The following RALYL variants were observed in gnomAD, a reference collection of about 807,000 sequenced individuals.
The protein encoded by RALYL is RNA-binding Raly-like protein.
In RALYL, 29 loss-of-function variants were observed where a neutral mutation model predicts 35.1. The ratio of observed to expected loss-of-function variants is 0.83; its 90% CI spans 0.61 to 1.13. The LOEUF (loss-of-function observed/expected upper bound fraction) is 1.13. Among genes scored for constraint, RALYL ranks in the 50% most tolerant of loss-of-function variants. RALYL has a pLI of 0.00. For synonymous variants in RALYL, 120 were observed against 127.6 expected (o/e 0.94, Z 0.40); for missense variants, 359 against 360.4 (o/e 1.00, Z 0.03).
chr8:84,663,584 T>G (rs1343307307), intron 2 of RALYL, among the ~76,000 whole-genome samples: 1 of 152,178 alleles, frequency 6.6e-6, no homozygotes, highest in Non-Finnish European at 1.5e-5. Flanking sequence ...GACATTGAGC[T>G]TTTTTTCATG....
At chr8:84,849,294 T>G (rs567317395) in intron 4 of RALYL, among the ~76,000 whole-genome samples, 17 of 152,320 alleles carry the variant, frequency 1.1e-4, no homozygotes, top group African/African-American at 4.1e-4. Flanking sequence ...CTATTTAAAG[T>G]ATTGAATCCA....
intron 2 of RALYL, among the ~76,000 whole-genome samples, chr8:84,580,379 T>C (rs988955272): frequency 5.3e-5 from 8 of 152,224 alleles, no homozygotes; most frequent in Admixed American, 4.6e-4. Flanking sequence ...TGCTGACATA[T>C]GCTCAGTTTC....
rs147913052 is a variant in RALYL at position 84,459,379 on chromosome 8, T to C, written c.-23-69920T>C. Among the ~76,000 whole-genome samples, 217 of 151,864 alleles carry C rather than the reference T, an allele frequency of 1.4e-3. 2 individuals carry two copies. Among genetic ancestry groups the C allele is most frequent in the African/African-American group, 4.7e-3 (194 of 41,508 alleles). ...ACATTTCAAAGCCATGATTAGAAGA[T>C]TAGGACAAACATGGTCAATCAGGGA... On this transcript the variant is annotated intron_variant, in intron 1 of 8. Coordinates refer to ENST00000521268, the MANE Select transcript of RALYL (RefSeq NM_173848.7).
At chr8:84,376,371 T>G (rs543382896) in intron 1 of RALYL, among the ~76,000 whole-genome samples, 6 of 151,824 alleles carry the variant, frequency 4.0e-5, no homozygotes, top group Non-Finnish European at 5.9e-5. Context: ...GAAATAAAAT[T>G]GTATAGAAGT....
At chr8:84,593,667 A>C (rs1813821740) in intron 2 of RALYL, among the ~76,000 whole-genome samples, 1 of 152,106 alleles carries the variant, frequency 6.6e-6, no homozygotes, top group African/African-American at 2.4e-5. Flanking sequence ...TACATAGGCC[A>C]TTTATAATTT....
At chr8:84,593,198 A>T (rs935971447) in intron 2 of RALYL, among the ~76,000 whole-genome samples, 5 of 151,936 alleles carry the variant, frequency 3.3e-5, no homozygotes, top group African/African-American at 1.2e-4. Context: ...AATCTACTTT[A>T]AGCTCTCCCC....
intron 2 of RALYL, among the ~76,000 whole-genome samples, chr8:84,623,331 G>A (rs533989424): frequency 1.6e-4 from 25 of 152,156 alleles, no homozygotes; most frequent in Non-Finnish European, 2.4e-4. Flanking sequence ...CCAGTTCACC[G>A]CATAAAATAA....
chr8:84,380,617 C>G (rs1314067002), intron 1 of RALYL, among the ~76,000 whole-genome samples: 2 of 151,834 alleles, frequency 1.3e-5, no homozygotes, highest in Non-Finnish European at 2.9e-5. Context: ...AGTAGTTAAC[C>G]ACATGTCTGT....
chr8:84,801,070 A>G (rs778073574), intron 3 of RALYL, among the ~76,000 whole-genome samples: 4 of 152,174 alleles, frequency 2.6e-5, no homozygotes, highest in Non-Finnish European at 5.9e-5. Context: ...CTGCCTCAAT[A>G]TAGTGAACAA....
intron 2 of RALYL, among the ~76,000 whole-genome samples, chr8:84,731,325 C>T (rs1846137720): frequency 6.6e-6 from 1 of 152,026 alleles, no homozygotes; most frequent in African/African-American, 2.4e-5. Flanking sequence ...GGATGGTTAA[C>T]CCTCTTTTGA....
intron 5 of RALYL, among the ~76,000 whole-genome samples, chr8:84,856,855 C>A (rs898444753): frequency 6.6e-6 from 1 of 150,968 alleles, no homozygotes; most frequent in Admixed American, 6.6e-5. Flanking sequence ...GGTGAAACCC[C>A]GTCTCTACTA....
intron 2 of RALYL, among the ~76,000 whole-genome samples, chr8:84,680,237 C>T (rs1475788406): frequency 4.6e-5 from 7 of 152,098 alleles, no homozygotes; most frequent in Admixed American, 1.3e-4. Context: ...ATTTTCTTAA[C>T]CCAGTCTATC....
At chr8:84,797,009 G>A (rs1017339520) in intron 3 of RALYL, among the ~76,000 whole-genome samples, 25 of 152,094 alleles carry the variant, frequency 1.6e-4, no homozygotes, top group Non-Finnish European at 1.0e-4. Flanking sequence ...GTCTTAGTTC[G>A]TTTCCTGCTA....
intron 2 of RALYL, among the ~76,000 whole-genome samples, chr8:84,712,700 GT>G (rs1450047110): frequency 6.6e-6 from 1 of 152,086 alleles, no homozygotes; most frequent in Non-Finnish European, 1.5e-5. Context: ...GTCCCCAGGT[GT>G]TTAGGTAATT....
intron 2 of RALYL, among the ~76,000 whole-genome samples, chr8:84,649,720 C>A (rs1828294686): frequency 6.6e-6 from 1 of 152,052 alleles, no homozygotes. Context: ...AGTGTGATGC[C>A]TCCAGCTTTG....
chr8:84,355,433 G>A (rs1851642527), intron 1 of RALYL, among the ~76,000 whole-genome samples: 1 of 150,526 alleles, frequency 6.6e-6, no homozygotes, highest in African/African-American at 2.5e-5. Flanking sequence ...AGTGGAAAGT[G>A]AGTTTGTATG....
intron 2 of RALYL, among the ~76,000 whole-genome samples, chr8:84,672,246 A>C (rs760215204): frequency 1.4e-4 from 21 of 152,178 alleles, no homozygotes; most frequent in Non-Finnish European, 2.6e-4. Context: ...CCTCATCTCC[A>C]TCAGAGACCA....
intron 2 of RALYL, among the ~76,000 whole-genome samples, chr8:84,623,594 G>A (rs189188489): frequency 9.2e-5 from 14 of 152,186 alleles, no homozygotes; most frequent in African/African-American, 3.4e-4. Flanking sequence ...GTTGTCAATT[G>A]GGGTGCATTA....
intron 1 of RALYL, among the ~76,000 whole-genome samples, chr8:84,426,438 C>G (rs317938): frequency 0.47 from 63,693 of 135,948 alleles, 15,065 homozygotes; most frequent in East Asian, 0.56. Context: ...CTCTCTCTCT[C>G]TGTGTGTGTG....
Sources: allele counts gnomAD v4.1 joint callset (sites outside exome capture counted in the v4.1 genomes callset), GRCh38; gene constraint gnomAD v4.1.1; transcripts MANE v1.5; gene names NCBI Gene and HGNC (gene_info 2026-07-23, HGNC 2026-07-21).